The following ADGRV1 variants were observed in gnomAD, a reference collection of about 807,000 sequenced individuals.
ADGRV1 encodes the protein G-protein coupled receptor 98.
ADGRV1 carries 359 observed loss-of-function variants against 596.2 expected under a neutral mutation model. The ratio of observed to expected loss-of-function variants is 0.60; its 90% CI spans 0.55 to 0.66. ADGRV1 has a LOEUF of 0.66. Among genes scored for constraint, ADGRV1 ranks in the 30% least tolerant of loss-of-function variants. The pLI is 0.00. For missense variants in ADGRV1, 7,274 were observed against 7,575.6 expected (o/e 0.96, Z 1.48); for synonymous variants, 2,681 against 2,679.2 (o/e 1.00, Z -0.02).
intron 83 of ADGRV1, among the ~76,000 whole-genome samples, chr5:90,875,329 A>G (rs1158704743): frequency 6.6e-6 from 1 of 152,252 alleles, no homozygotes; most frequent in African/African-American, 2.4e-5. Flanking sequence ...TAATTTTCCC[A>G]GAAAAGAAAT....
rs763461341 is a variant in ADGRV1, at chr5:90,653,516, A to T, written c.3942A>T (p.Leu1314Phe). The T allele has an allele frequency of 1.9e-6, 3 of 1,613,932 alleles. No individual in the cohort carries two copies. The highest frequency in any genetic ancestry group is 2.5e-6 in the Non-Finnish European group (3 of 1,179,864). The change falls in exon 20 of 90, where the codon TTA becomes TTT. Residue 1314 changes from leucine to phenylalanine, a missense_variant. Physicochemically the swap from Leu to Phe is conservative, Grantham distance 22. Transcript: ENST00000405460. ...GAATTTTCCCCACCACCGTGCATTTACAACAGCACATGCGGCGTCACCACA... is the reference window on the plus strand; with the variant it reads ...GAATTTTCCCCACCACCGTGCATTTTCAACAGCACATGCGGCGTCACCACA... ...LVGIFPTTVH[L>F]QQHMRRHHSG...
intron 67 of ADGRV1, among the ~76,000 whole-genome samples, chr5:90,786,185 G>A (rs887016837): frequency 4.6e-5 from 7 of 151,334 alleles, no homozygotes; most frequent in Admixed American, 4.6e-4. Flanking sequence ...TCACTTATAG[G>A]TGGGAATTGA....
At chr5:90,771,555 C>T (rs1757694701) in intron 59 of ADGRV1, among the ~76,000 whole-genome samples, 1 of 152,134 alleles carries the variant, frequency 6.6e-6, no homozygotes, top group Non-Finnish European at 1.5e-5. Flanking sequence ...GCTACCTCAA[C>T]TTAATATCTA....
At chr5:90,895,582 A>C (rs1272545970) in intron 83 of ADGRV1, among the ~76,000 whole-genome samples, 2 of 152,226 alleles carry the variant, frequency 1.3e-5, no homozygotes, top group East Asian at 3.9e-4. Context: ...GTCTTCACAT[A>C]GCACATCTTT....
chr5:91,000,053 C>G (rs1781732389), intron 85 of ADGRV1, among the ~76,000 whole-genome samples: 1 of 151,922 alleles, frequency 6.6e-6, no homozygotes, highest in Non-Finnish European at 1.5e-5. Flanking sequence ...TTATGGAAAG[C>G]AAAAATATAC....
intron 42 of ADGRV1, among the ~76,000 whole-genome samples, chr5:90,715,996 C>T (rs1241612651): frequency 6.6e-6 from 1 of 152,138 alleles, no homozygotes. Context: ...TGTGTTCTTA[C>T]TGTAGTTCTA....
rs980986318 is a variant in ADGRV1 at position 91,034,781 on chromosome 5, A to G, written c.18153-37666A>G. On this transcript the variant is annotated intron_variant, in intron 85 of 89. Transcript: ENST00000405460. The stretch of plus-strand genomic sequence containing the variant: ...GAGTGACAAGCAGACAAAACAGCAT[A>G]ATGGGTGTTTTGGTGGACATCCTCT... Among the ~76,000 whole-genome samples, 3 of 152,122 alleles carry G rather than the reference A, an allele frequency of 2.0e-5. No homozygotes were observed. The South Asian group carries it at 6.2e-4, about 32-fold the overall frequency.
chr5:90,985,037 G>A (rs751206416), intron 84 of ADGRV1, among the ~76,000 whole-genome samples: 11 of 152,248 alleles, frequency 7.2e-5, no homozygotes, highest in Admixed American at 6.5e-5. Flanking sequence ...TCAAAGACAC[G>A]TTTACAAAAC....
intron 4 of ADGRV1, 132 bp downstream of exon 4, chr5:90,619,313 C>A (rs982204915): frequency 2.2e-6 from 1 of 451,538 alleles, no homozygotes; most frequent in Non-Finnish European, 3.9e-6. Context: ...TTAACTTTGT[C>A]CCTGTTTCAC....
chr5:90,718,553 T>G (rs928732791), intron 43 of ADGRV1: 14 of 152,150 alleles, frequency 9.2e-5, no homozygotes, highest in African/African-American at 3.4e-4. Flanking sequence ...ACAGTCCATC[T>G]AATAATTATT....
intron 83 of ADGRV1, among the ~76,000 whole-genome samples, 193 bp downstream of exon 83, chr5:90,864,050 G>A (rs1241628389): frequency 1.3e-5 from 2 of 151,632 alleles, no homozygotes; most frequent in African/African-American, 4.8e-5. Context: ...TCTTTCTACA[G>A]AGAAGCACCT....
intron 45 of ADGRV1, among the ~76,000 whole-genome samples, chr5:90,721,531 A>AAAAATAAAATAAAAT (rs369937781): frequency 3.6e-5 from 3 of 82,642 alleles, no homozygotes; most frequent in Non-Finnish European, 5.2e-5. Flanking sequence ...AAATAAAAAT[A>AAAAATAAAATAAAAT]AAAATAAAAT....
At chr5:90,822,730 T>G (rs1763690632) in intron 75 of ADGRV1, among the ~76,000 whole-genome samples, 1 of 152,222 alleles carries the variant, frequency 6.6e-6, no homozygotes, top group Admixed American at 6.5e-5. Context: ...AGTATGGCCA[T>G]TTTCATGATA....
intron 57 of ADGRV1, among the ~76,000 whole-genome samples, chr5:90,757,856 C>A (rs1187302912): frequency 6.6e-6 from 1 of 152,180 alleles, no homozygotes; most frequent in African/African-American, 2.4e-5. Context: ...ACTAGCACCT[C>A]TATCTACAGG....
In ADGRV1 at chr5:90,675,232, G is replaced by A; in HGVS notation, c.5111-11G>A. On this transcript the variant is annotated splice_polypyrimidine_tract_variant and intron_variant, in intron 23 of 89. Coordinates refer to ENST00000405460, the MANE Select transcript of ADGRV1 (RefSeq NM_032119.4). ...ATTGGGACAATGCCCTGGCCCCTTT[G>A]TCTCCACTAGGCTTGCTGCAGTTCT... 5.0e-6 allele frequency: 8 copies of A among 1,610,350 alleles called. No homozygotes were observed. The highest frequency in any genetic ancestry group is 6.8e-6 in the Non-Finnish European group (8 of 1,178,174).
At chr5:90,630,930 T>G (rs1278558303) in intron 9 of ADGRV1, among the ~76,000 whole-genome samples, 1 of 152,202 alleles carries the variant, frequency 6.6e-6, no homozygotes, top group African/African-American at 2.4e-5. Flanking sequence ...TTTACTGAGC[T>G]CCTGAATTTT....
intron 85 of ADGRV1, among the ~76,000 whole-genome samples, chr5:91,003,726 G>A (rs1418596976): frequency 6.6e-6 from 1 of 151,848 alleles, no homozygotes; most frequent in Non-Finnish European, 1.5e-5. Flanking sequence ...GAGTGCCAGA[G>A]GAATAAAAGT....
chr5:90,618,537 AAC>A (rs1221930311), intron 3 of ADGRV1, among the ~76,000 whole-genome samples: 1 of 152,170 alleles, frequency 6.6e-6, no homozygotes, highest in Admixed American at 6.5e-5. Context: ...TTACACTTGA[AAC>A]AGTTATGTTT....
chr5:90,798,222 A>G (rs1484582100), intron 70 of ADGRV1, among the ~76,000 whole-genome samples: 1 of 152,228 alleles, frequency 6.6e-6, no homozygotes, highest in Non-Finnish European at 1.5e-5. Context: ...AATAGACACA[A>G]TAAAAAATGA....
Sources: allele counts gnomAD v4.1 joint callset (sites outside exome capture counted in the v4.1 genomes callset), GRCh38; gene constraint gnomAD v4.1.1; transcripts MANE v1.5; gene names NCBI Gene and HGNC (gene_info 2026-07-23, HGNC 2026-07-21).